SNTG2: variants seen among roughly 807,000 people sequenced by gnomAD.
SNTG2 encodes syntrophin gamma 2.
Under a neutral mutation model 70.9 loss-of-function variants are expected in SNTG2, and 74 were observed. The ratio of observed to expected loss-of-function variants is 1.04; its 90% confidence interval spans 0.86 to 1.27. The LOEUF (loss-of-function observed/expected upper bound fraction) is 1.27, where lower values mean the gene tolerates loss of function less well. SNTG2 is among the 50% of genes most tolerant of loss of function. SNTG2 has a pLI of 0.00. For synonymous variants in SNTG2, 278 were observed against 273.8 expected, an observed-to-expected ratio of 1.02 and a Z score of -0.15; for missense variants, 717 against 690.7, an observed-to-expected ratio of 1.04 and a Z score of -0.43.
chr2:1,069,455 T>C (rs1663374369), intron 1 of SNTG2, among the ~76,000 whole-genome samples: 1 of 150,140 alleles, frequency 6.7e-6, no homozygotes, highest in South Asian at 2.1e-4. Flanking sequence ...ACGTGGATTA[T>C]GGAACAGGGA....
intron 1 of SNTG2, among the ~76,000 whole-genome samples, chr2:1,046,273 T>C (rs190423977): frequency 1.3e-5 from 2 of 152,274 alleles, no homozygotes; most frequent in South Asian, 2.1e-4. Context: ...TGAGATGGGT[T>C]CCTTGAAGAC....
intron 1 of SNTG2, among the ~76,000 whole-genome samples, chr2:997,205 A>C (rs1661714628): frequency 6.6e-6 from 1 of 152,228 alleles, no homozygotes; most frequent in African/African-American, 2.4e-5. Context: ...ATATGAGAAC[A>C]TGTACTGGGG....
At chr2:1,255,582 C>T (rs1379350171) in intron 12 of SNTG2, among the ~76,000 whole-genome samples, 1 of 151,798 alleles carries the variant, frequency 6.6e-6, no homozygotes, top group Non-Finnish European at 1.5e-5. Context: ...AGCCTCACTC[C>T]AAACTTGCTA....
intron 1 of SNTG2, among the ~76,000 whole-genome samples, chr2:979,477 C>T (rs1661030788): frequency 6.6e-6 from 1 of 152,120 alleles, no homozygotes; most frequent in Non-Finnish European, 1.5e-5. Context: ...CCCAGCCTTG[C>T]TGGCCATGTT....
intron 16 of SNTG2, among the ~76,000 whole-genome samples, chr2:1,336,015 G>C (rs1364339070): frequency 6.6e-6 from 1 of 152,032 alleles, no homozygotes; most frequent in Non-Finnish European, 1.5e-5. Context: ...CCCCATTATG[G>C]TCTATATTTT....
chr2:1,146,331 G>A (rs544308210), intron 6 of SNTG2, among the ~76,000 whole-genome samples: 1 of 152,114 alleles, frequency 6.6e-6, no homozygotes, highest in East Asian at 1.9e-4. Context: ...AATTACTTAG[G>A]TGTAAATATA....
chr2:1,321,547 G>A (rs1681522263), intron 16 of SNTG2, among the ~76,000 whole-genome samples: 1 of 152,136 alleles, frequency 6.6e-6, no homozygotes, highest in Non-Finnish European at 1.5e-5. Flanking sequence ...TTTCTTGGCA[G>A]GAGCACCGAT....
intron 4 of SNTG2, among the ~76,000 whole-genome samples, chr2:1,112,400 G>A (rs1178590314): frequency 1.3e-5 from 2 of 151,528 alleles, no homozygotes; most frequent in Non-Finnish European, 1.5e-5. Flanking sequence ...CTTGGAGGAG[G>A]ATCATGTATA....
chr2:991,406 C>CACACACACAA (rs1238273034), intron 1 of SNTG2, among the ~76,000 whole-genome samples: 40 of 151,418 alleles, frequency 2.6e-4, no homozygotes, highest in African/African-American at 9.5e-4. Context: ...CACACACACA[C>CACACACACAA]AATTATGACT....
chr2:1,321,709 CTCCTAAATG>C (rs1681531460), intron 16 of SNTG2, among the ~76,000 whole-genome samples: 1 of 152,142 alleles, frequency 6.6e-6, no homozygotes, highest in Non-Finnish European at 1.5e-5. Context: ...GAACCAGGGG[CTCCTAAATG>C]TTCTCATGCA....
chr2:1,367,125 T>C (rs1423789744), intron 16 of SNTG2, among the ~76,000 whole-genome samples: 2 of 152,196 alleles, frequency 1.3e-5, no homozygotes, highest in African/African-American at 4.8e-5. Flanking sequence ...AGCGTTGTAA[T>C]AAAAAATACC....
At chr2:1,357,706 A>G (rs370231271) in intron 16 of SNTG2, among the ~76,000 whole-genome samples, 2 of 151,556 alleles carry the variant, frequency 1.3e-5, no homozygotes, top group African/African-American at 4.9e-5. Flanking sequence ...AGTTAGTGGT[A>G]TGCTTAGATT....
intron 7 of SNTG2, among the ~76,000 whole-genome samples, chr2:1,170,802 C>T (rs943894916): frequency 5.9e-5 from 9 of 151,994 alleles, no homozygotes; most frequent in African/African-American, 2.2e-4. Context: ...TGAATTATAC[C>T]ACCATGAGCA....
chr2:1,018,321 G>A (rs1259672978), intron 1 of SNTG2, among the ~76,000 whole-genome samples: 1 of 152,178 alleles, frequency 6.6e-6, no homozygotes, highest in African/African-American at 2.4e-5. Flanking sequence ...GCACGTCGCT[G>A]GTGGTCAGAG....
At chr2:1,217,929 G>C (rs1472407873) in intron 9 of SNTG2, among the ~76,000 whole-genome samples, 1 of 151,990 alleles carries the variant, frequency 6.6e-6, no homozygotes, top group African/African-American at 2.4e-5. Flanking sequence ...GCAGCTCCCG[G>C]CTGGTCCTCT....
intron 8 of SNTG2, among the ~76,000 whole-genome samples, chr2:1,206,459 G>A (rs1256195361): frequency 6.6e-6 from 1 of 152,204 alleles, no homozygotes; most frequent in Non-Finnish European, 1.5e-5. Flanking sequence ...GGGTAACACT[G>A]GCATGTTCCT....
intron 4 of SNTG2, among the ~76,000 whole-genome samples, chr2:1,134,094 T>C (rs1668199297): frequency 1.3e-5 from 2 of 152,116 alleles, no homozygotes; most frequent in African/African-American, 2.4e-5. Context: ...TGTTGGTTCC[T>C]CCCTGTGGGT....
chr2:980,445 G>A (rs974505017), intron 1 of SNTG2, among the ~76,000 whole-genome samples: 5 of 152,080 alleles, frequency 3.3e-5, no homozygotes, highest in African/African-American at 1.2e-4. Flanking sequence ...TAAGTCATTG[G>A]GACTCTGCCA....
chr2:1,205,260 G>A (rs2147980501), intron 8 of SNTG2, among the ~76,000 whole-genome samples: 1 of 152,238 alleles, frequency 6.6e-6, no homozygotes, highest in African/African-American at 2.4e-5. Flanking sequence ...AATATTTGGA[G>A]GCTTTTGCTT....
Sources: allele counts gnomAD v4.1 joint callset (sites outside exome capture counted in the v4.1 genomes callset), GRCh38; gene constraint gnomAD v4.1.1; transcripts MANE v1.5; gene names NCBI Gene and HGNC (gene_info 2026-07-23, HGNC 2026-07-21).